Variants in TMEM255B observed in about 807,000 individuals in gnomAD.
The protein encoded by TMEM255B is transmembrane protein 255B, also known as family with sequence similarity 70, member B.
In TMEM255B, 35 loss-of-function variants were observed where a neutral mutation model predicts 34.5. That is an observed-to-expected ratio of 1.01 (90% CI 0.77 to 1.34). TMEM255B has a LOEUF of 1.34. Among genes scored for constraint, TMEM255B ranks in the 40% most tolerant of loss-of-function variants. The probability of loss-of-function intolerance (pLI) is 0.00; values close to 1 mark genes in which losing one functional copy is unlikely to be tolerated. For synonymous variants in TMEM255B, 206 were observed against 201.2 expected (o/e 1.02, Z -0.20); for missense variants, 432 against 433.2 (o/e 1.00, Z 0.02).
In TMEM255B at chr13:113,801,638, G is replaced by A; in HGVS notation, c.510-15G>A. 2 of 1,579,102 alleles carry A rather than the reference G, an allele frequency of 1.3e-6. No individual in the cohort carries two copies. The highest frequency in any genetic ancestry group is 1.7e-6 in the Non-Finnish European group (2 of 1,158,262). ...TTGCCTCGTGCGGTGACGCCATGGT[G>A]CCCTCTCTGTGCAGCGCAGAGCCCT... is the stretch of plus-strand genomic sequence containing the variant. On this transcript the variant is annotated splice_polypyrimidine_tract_variant and intron_variant, in intron 6 of 8. Coordinates refer to ENST00000375353, the MANE Select transcript of TMEM255B (RefSeq NM_182614.4).
rs531366184 is a variant in TMEM255B, at chr13:113,811,222, G to A, written c.814-514G>A. Among the ~76,000 whole-genome samples, 169 of 120,704 alleles carry A rather than the reference G, an allele frequency of 1.4e-3. 1 individual carries two copies. Among genetic ancestry groups the A allele is most frequent in the African/African-American group, 4.8e-3 (147 of 30,842 alleles). 79.2% of individuals were successfully genotyped at this position (120,704 alleles called of 152,430 possible). On this transcript the variant is annotated intron_variant, in intron 8 of 8. Transcript: ENST00000375353. The stretch of plus-strand genomic sequence containing the variant: ...GAGAGGTCCTGGATCTGTGGGGGGG[G>A]CCGGTGAGAGAGGTCCTGGGTCTGT...
chr13:113,800,772 G>C, intron 5 of TMEM255B, 55 bp from the exon 6 acceptor site: 2 of 1,522,686 alleles, frequency 1.3e-6, no homozygotes, highest in Non-Finnish European at 8.9e-7. Flanking sequence ...CCCTTGGTGG[G>C]GTGGGTGAGG....
Position 113,804,888 on chromosome 13 carries a change from C to T in TMEM255B, c.673C>T (p.Pro225Ser). ...ACCCGTCTCCTCTCCATGGCAGGTG[C>T]CTCTGTCCCAGCTGGCCTATGGCCC... ...AVLGAFKDMV[P>S]LSQLAYGPAV... Residue 225 changes from proline to serine, a missense_variant, in exon 8 of 9, where the codon CCT (proline) becomes TCT (serine). Physicochemically the swap from Pro to Ser is moderately conservative, Grantham distance 74 (BLOSUM62 -1). Coordinates refer to ENST00000375353, the MANE Select transcript of TMEM255B (RefSeq NM_182614.4). 1 of 1,598,618 alleles carries T rather than the reference C, an allele frequency of 6.3e-7. No homozygotes were observed. The highest frequency in any genetic ancestry group is 8.5e-7 in the Non-Finnish European group (1 of 1,178,070).
rs996016299 is a variant in TMEM255B at position 113,771,225 on chromosome 13, G to A, written c.252+2065G>A. ...AGATTCCTACTCTGGGCCTGCCTGCGGAGGGAGTAATGTGTGATATGTGTT... is the reference window on the plus strand; with the variant it reads ...AGATTCCTACTCTGGGCCTGCCTGCAGAGGGAGTAATGTGTGATATGTGTT... On this transcript the variant is annotated intron_variant, in intron 3 of 8. Coordinates refer to ENST00000375353, the MANE Select transcript of TMEM255B (RefSeq NM_182614.4). Among the ~76,000 whole-genome samples, 7 of 152,104 alleles carry A rather than the reference G, an allele frequency of 4.6e-5. No homozygotes were observed. The East Asian group carries it at 5.8e-4, about 13-fold the overall frequency.
At chr13:113,785,037 G>A (rs759875604) in intron 3 of TMEM255B, among the ~76,000 whole-genome samples, 4 of 143,710 alleles carry the variant, frequency 2.8e-5, no homozygotes, top group Non-Finnish European at 6.2e-5. Flanking sequence ...TATGAAGCGG[G>A]GAGCTTATTG....
At chr13:113,795,936 A>AGAG (rs2050921152) in intron 4 of TMEM255B, among the ~76,000 whole-genome samples, 1 of 132,356 alleles carries the variant, frequency 7.6e-6, no homozygotes, top group African/African-American at 2.9e-5. Flanking sequence ...ACCACACAAC[A>AGAG]CACAGAGCAC....
chr13:113,790,150 A>G (rs74618838), intron 3 of TMEM255B, among the ~76,000 whole-genome samples: 31,773 of 97,054 alleles, frequency 0.33, 7,236 homozygotes, highest in East Asian at 0.67. Flanking sequence ...GACCGGGCAC[A>G]TGGACATCCT....
At chr13:113,788,451 G>C (rs1190053481) in intron 3 of TMEM255B, among the ~76,000 whole-genome samples, 2 of 151,712 alleles carry the variant, frequency 1.3e-5, no homozygotes, top group Non-Finnish European at 2.9e-5. Context: ...TGGCCTGGGT[G>C]GGGGCTCAGG....
chr13:113,805,120 T>A (rs2051146553), intron 8 of TMEM255B, 92 bp downstream of exon 8: 2 of 1,343,266 alleles, frequency 1.5e-6, no homozygotes, highest in Non-Finnish European at 1.9e-6. Context: ...GATGAGGTCT[T>A]GCAGCCGCCT....
At chr13:113,765,870 C>T (rs1424223860) in intron 1 of TMEM255B, among the ~76,000 whole-genome samples, 2 of 152,238 alleles carry the variant, frequency 1.3e-5, no homozygotes, top group African/African-American at 2.4e-5. Flanking sequence ...TTCTTGAGTT[C>T]TGTGACAGTT....
chr13:113,760,128 C>T (rs2050273816), intron 1 of TMEM255B, among the ~76,000 whole-genome samples: 1 of 152,172 alleles, frequency 6.6e-6, no homozygotes. Flanking sequence ...GTCTAGGGGG[C>T]TCTGCCGCTC....
intron 8 of TMEM255B, among the ~76,000 whole-genome samples, chr13:113,805,489 G>A (rs941681227): frequency 6.6e-6 from 1 of 152,290 alleles, no homozygotes; most frequent in African/African-American, 2.4e-5. Context: ...ATGACGGAGG[G>A]AGAGGCCATG....
At position 113,812,979 on chromosome 13, in the gene TMEM255B, G is replaced by GGACA. The variant is rs1566342277; in HGVS notation, c.*1077_*1078insACAG. 7 of 95,814 alleles carry GGACA rather than the reference G, an allele frequency of 7.3e-5. No homozygotes were observed. The highest frequency in any genetic ancestry group is 2.6e-4 in the African/African-American group (6 of 23,034). 5.9% of individuals were successfully genotyped at this position (95,814 alleles called of 1,614,324 possible). A position where few individuals can be genotyped will look rare whatever the true frequency, so the allele number is the denominator to read the frequency against. On this transcript the variant is annotated 3_prime_UTR_variant, in exon 9 of 9. Transcript: ENST00000375353. ...GGGTCACGGGCCCCGGGTGGGTCAC[G>GGACA]GGTCCCGGGTGGGTCACGGGTCCCG...
chr13:113,764,641 T>C (rs866901011), intron 1 of TMEM255B, among the ~76,000 whole-genome samples: 4 of 152,358 alleles, frequency 2.6e-5, no homozygotes, highest in Middle Eastern at 6.8e-3. Flanking sequence ...CCTTTTCCAA[T>C]GCCTGCAGCG....
chr13:113,809,975 C>T (rs771959101), intron 8 of TMEM255B, among the ~76,000 whole-genome samples: 1 of 152,138 alleles, frequency 6.6e-6, no homozygotes, highest in Non-Finnish European at 1.5e-5. Flanking sequence ...CACTGGATCC[C>T]ATGAGCCTGG....
intron 1 of TMEM255B, among the ~76,000 whole-genome samples, chr13:113,764,560 C>T (rs1007441508): frequency 1.3e-5 from 2 of 152,206 alleles, no homozygotes; most frequent in Non-Finnish European, 2.9e-5. Context: ...GCCCTCTGCC[C>T]GCTGCCTGTG....
Position 113,816,285 on chromosome 13 carries a change from T to TG in TMEM255B, c.*4386dup, listed in dbSNP as rs66715879. ...AAGTGTGTTCTAAGCGTGTTCTGGA[T>TG]GGGGAGAGGTGCAGTCACTGGTCAG... On this transcript the variant is annotated 3_prime_UTR_variant, in exon 9 of 9. Transcript: ENST00000375353. The TG allele has an allele frequency of 0.17, 14,460 of 87,500 alleles. 2,415 individuals carry two copies. Among genetic ancestry groups the TG allele is most frequent in the African/African-American group, 0.27 (4,605 of 16,852 alleles). 5.4% of individuals were successfully genotyped at this position (87,500 alleles called of 1,614,324 possible).
At chr13:113,781,694 G>T (rs1310675693) in intron 3 of TMEM255B, among the ~76,000 whole-genome samples, 1 of 152,160 alleles carries the variant, frequency 6.6e-6, no homozygotes, top group Non-Finnish European at 1.5e-5. Flanking sequence ...AAGTTGTACA[G>T]CTAAGAGTCA....
At chr13:113,768,767 A>G (rs533430823) in intron 2 of TMEM255B, 2 of 457,994 alleles carry the variant, frequency 4.4e-6, no homozygotes, top group South Asian at 1.6e-5. Flanking sequence ...GACGGGACAG[A>G]TGGTGGTGCT....
Sources: gnomAD v4.1 joint callset for allele counts (sites outside exome capture counted in the v4.1 genomes callset) on GRCh38, gnomAD v4.1.1 for gene constraint, MANE v1.5 for transcripts, NCBI Gene and HGNC (gene_info 2026-07-23, HGNC 2026-07-21) for gene names.